SYT6: variants seen among roughly 807,000 people sequenced by gnomAD.
The protein encoded by SYT6 is synaptotagmin 6, also known as synaptotagmin-6.
A neutral mutation model predicts 38.4 loss-of-function variants in SYT6; 24 were observed. The observed-to-expected ratio is 0.62, with a 90% CI of 0.45 to 0.88. The LOEUF (loss-of-function observed/expected upper bound fraction) is 0.88. Among genes scored for constraint, SYT6 ranks in the 40% least tolerant of loss-of-function variants. The pLI is 0.00. For missense variants in SYT6, 611 were observed against 621.0 expected, an observed-to-expected ratio of 0.98 and a Z score of 0.17; for synonymous variants, 265 against 241.9, an observed-to-expected ratio of 1.10 and a Z score of -0.89.
intron 3 of SYT6, among the ~76,000 whole-genome samples, chr1:114,136,456 G>A (rs910219722): frequency 6.6e-6 from 1 of 152,232 alleles, no homozygotes; most frequent in African/African-American, 2.4e-5. Context: ...CTGCCTGGGG[G>A]TGCTTAGAGA....
chr1:114,107,034 G>A (rs982692489), intron 3 of SYT6, among the ~76,000 whole-genome samples: 6 of 152,184 alleles, frequency 3.9e-5, no homozygotes, highest in Non-Finnish European at 5.9e-5. Context: ...TTAGGGCCCT[G>A]GGAAGAACTC....
At chr1:114,129,832 A>G (rs1044262914) in intron 3 of SYT6, among the ~76,000 whole-genome samples, 1 of 118,230 alleles carries the variant, frequency 8.5e-6, no homozygotes, top group Non-Finnish European at 1.7e-5. Context: ...ATGCACCACC[A>G]CACCTGTTTT....
intron 3 of SYT6, among the ~76,000 whole-genome samples, chr1:114,122,926 C>T (rs919718573): frequency 1.1e-4 from 17 of 152,208 alleles, no homozygotes; most frequent in Non-Finnish European, 2.2e-4. Context: ...TTTCAAAATG[C>T]CTGTCCGGGC....
intron 3 of SYT6, among the ~76,000 whole-genome samples, chr1:114,128,547 C>T (rs1222699043): frequency 2.0e-5 from 3 of 152,226 alleles, no homozygotes; most frequent in African/African-American, 7.2e-5. Flanking sequence ...AATAACACGG[C>T]CCGTGTCCCC....
intron 3 of SYT6, among the ~76,000 whole-genome samples, chr1:114,125,995 A>G (rs1482310181): frequency 1.3e-5 from 2 of 152,098 alleles, no homozygotes. Context: ...TCCCTACAGT[A>G]TAGAGAGGCT....
intron 3 of SYT6, among the ~76,000 whole-genome samples, chr1:114,133,894 C>T (rs1343515182): frequency 1.3e-5 from 2 of 152,130 alleles, no homozygotes; most frequent in Non-Finnish European, 2.9e-5. Flanking sequence ...CTCCCCTCCA[C>T]TAGCCTTGAG....
chr1:114,129,960 C>T (rs1278387688), intron 3 of SYT6, among the ~76,000 whole-genome samples: 4 of 151,878 alleles, frequency 2.6e-5, no homozygotes, highest in African/African-American at 7.3e-5. Context: ...GCTAGGAGTA[C>T]AGGAGTGAGC....
At chr1:114,098,129 A>G (rs1245926118) in intron 5 of SYT6, among the ~76,000 whole-genome samples, 10 of 152,238 alleles carry the variant, frequency 6.6e-5, no homozygotes, top group Non-Finnish European at 1.5e-4. Context: ...AGTGGTGGGC[A>G]GATAGCCTGA....
chr1:114,092,326 C>CTT (rs1675356610), intron 7 of SYT6, among the ~76,000 whole-genome samples: 1 of 147,150 alleles, frequency 6.8e-6, no homozygotes, highest in African/African-American at 2.6e-5. Flanking sequence ...CTCTCTCTCT[C>CTT]TCTCTCTCTC....
chr1:114,152,176 C>T (rs1456691929), intron 1 of SYT6: 4 of 152,212 alleles, frequency 2.6e-5, no homozygotes, highest in African/African-American at 9.6e-5. Flanking sequence ...GAAAACAGGA[C>T]CCTGGGACCT....
intron 4 of SYT6, among the ~76,000 whole-genome samples, chr1:114,102,887 A>G (rs1004152905): frequency 6.6e-6 from 1 of 152,090 alleles, no homozygotes; most frequent in Non-Finnish European, 1.5e-5. Flanking sequence ...AAACTCAAAT[A>G]CCTCCTTCCA....
In SYT6 at chr1:114,139,824, G is replaced by A. The variant is rs151312827; in HGVS notation, c.303C>T (p.Pro101=). 2,224 of 1,601,762 alleles carry A rather than the reference G, an allele frequency of 1.4e-3. 2 individuals are homozygous for A. The highest frequency in any genetic ancestry group is 3.2e-3 in the Middle Eastern group (19 of 5,992). The change falls in exon 2 of 8, where the codon CCC becomes CCT. Residue 101 remains proline, a synonymous_variant. Coordinates refer to ENST00000610222, the MANE Select transcript of SYT6 (RefSeq NM_001253772.2). ...KEASSPSSAN[P]PLEALQSPSF... ...TGGGGCTCTGGAGGGCTTCCAAGGG[G>A]GGATTAGCAGAAGAGGGACTGGAGG...
chr1:114,123,046 G>A (rs952554340), intron 3 of SYT6, among the ~76,000 whole-genome samples: 2 of 152,142 alleles, frequency 1.3e-5, no homozygotes, highest in African/African-American at 4.8e-5. Context: ...CCTCCTTCCT[G>A]CCTTTTTGCT....
At position 114,089,938 on chromosome 1, in the gene SYT6, A is replaced by C. The variant is rs1571800124; in HGVS notation, c.*2196T>G. The C allele has an allele frequency of 6.6e-6, 1 of 152,354 alleles. No homozygotes were observed. Among genetic ancestry groups the C allele is most frequent in the East Asian group, 1.9e-4 (1 of 5,336 alleles). 9.4% of individuals were successfully genotyped at this position (152,354 alleles called of 1,614,324 possible). A position where few individuals can be genotyped will look rare whatever the true frequency, so the allele number is the denominator to read the frequency against. ...AGGAATGTCTCAGATGAGCAATACT[A>C]TTGTGATTCACATTGATCACACTCC... On this transcript the variant is annotated 3_prime_UTR_variant, in exon 8 of 8. Transcript: ENST00000610222.
At chr1:114,096,323 A>C (rs978137264) in intron 6 of SYT6, among the ~76,000 whole-genome samples, 1 of 152,166 alleles carries the variant, frequency 6.6e-6, no homozygotes, top group African/African-American at 2.4e-5. Context: ...GGCCTCACTC[A>C]TTAAAGCTCC....
At chr1:114,127,963 C>A (rs890487614) in intron 3 of SYT6, among the ~76,000 whole-genome samples, 2 of 152,224 alleles carry the variant, frequency 1.3e-5, no homozygotes, top group African/African-American at 4.8e-5. Flanking sequence ...GCAGCCCTAC[C>A]AAGGACCCGG....
chr1:114,138,490 G>T (rs1678647166), intron 2 of SYT6, among the ~76,000 whole-genome samples: 2 of 152,126 alleles, frequency 1.3e-5, no homozygotes, highest in African/African-American at 4.8e-5. Context: ...TTAAGCATTT[G>T]CTATACGGCA....
At chr1:114,108,025 T>C (rs540994570) in intron 3 of SYT6, among the ~76,000 whole-genome samples, 1 of 152,302 alleles carries the variant, frequency 6.6e-6, no homozygotes, top group East Asian at 1.9e-4. Flanking sequence ...CCCTCTAGAC[T>C]TCTAACCTAG....
chr1:114,146,616 C>T (rs1214280792), intron 1 of SYT6, among the ~76,000 whole-genome samples: 1 of 152,206 alleles, frequency 6.6e-6, no homozygotes, highest in African/African-American at 2.4e-5. Flanking sequence ...TCAGGAAAAG[C>T]TAGAAGTAAG....
Sources: allele counts gnomAD v4.1 joint callset (sites outside exome capture counted in the v4.1 genomes callset), GRCh38; gene constraint gnomAD v4.1.1; transcripts MANE v1.5; gene names NCBI Gene and HGNC (gene_info 2026-07-23, HGNC 2026-07-21).